The following NIPBL variants were observed in gnomAD, a reference collection of about 807,000 sequenced individuals.
NIPBL encodes nipped-B-like protein.
Under a neutral mutation model 321.8 loss-of-function variants are expected in NIPBL, and 19 were observed. The observed-to-expected ratio is 0.06, with a 90% CI of 0.04 to 0.09. The LOEUF (loss-of-function observed/expected upper bound fraction) is 0.09. NIPBL is among the 10% of genes least tolerant of loss of function. The pLI is 1.00. For missense variants in NIPBL, 2,210 were observed against 3,327.0 expected, an observed-to-expected ratio of 0.66 and a Z score of 8.26; for synonymous variants, 1,106 against 1,114.1, an observed-to-expected ratio of 0.99 and a Z score of 0.14.
chr5:37,000,271 T>A (rs908851074), intron 11 of NIPBL, 102 bp from the exon 12 acceptor site: 22 of 1,104,508 alleles, frequency 2.0e-5, no homozygotes, highest in Non-Finnish European at 2.9e-5. Flanking sequence ...CTAGACCCTA[T>A]GGAATGAAGA....
chr5:36,916,641 C>G (rs2149552035), intron 1 of NIPBL, among the ~76,000 whole-genome samples: 1 of 151,978 alleles, frequency 6.6e-6, no homozygotes, highest in East Asian at 1.9e-4. Flanking sequence ...CTAATGCTAT[C>G]CCTCCCCACT....
chr5:37,031,104 C>T (rs1750963183), intron 32 of NIPBL, among the ~76,000 whole-genome samples: 1 of 152,156 alleles, frequency 6.6e-6, no homozygotes, highest in Non-Finnish European at 1.5e-5. Flanking sequence ...TTGCCTCAGC[C>T]TCCCGAGTAG....
intron 40 of NIPBL, 114 bp downstream of exon 40, chr5:37,049,415 C>A: frequency 3.4e-6 from 4 of 1,168,262 alleles, no homozygotes; most frequent in Non-Finnish European, 3.8e-6. Context: ...CTTCTTTGTA[C>A]TAAACTCTTA....
Position 37,051,774 on chromosome 5 carries a change from T to C in NIPBL, c.6955-5T>C, listed in dbSNP as rs775379495. On this transcript the variant is annotated splice_polypyrimidine_tract_variant and splice_region_variant and intron_variant, in intron 40 of 46. Coordinates refer to ENST00000282516, the MANE Select transcript of NIPBL (RefSeq NM_133433.4). Reference sequence around the variant, plus strand: ...ATATCTCGTAATTTTTTTTTTTATTTCCAGTGTGTGCCATATTTAATTGCT... The same window carrying C: ...ATATCTCGTAATTTTTTTTTTTATTCCCAGTGTGTGCCATATTTAATTGCT... 1.2e-6 allele frequency: 2 copies of C among 1,604,844 alleles called. No individual in the cohort carries two copies. The highest frequency in any genetic ancestry group is 1.1e-5 in the South Asian group (1 of 90,862).
intron 29 of NIPBL, among the ~76,000 whole-genome samples, chr5:37,022,850 G>C (rs1381954349): frequency 6.6e-6 from 1 of 152,116 alleles, no homozygotes; most frequent in Admixed American, 6.5e-5. Flanking sequence ...ATTAATGATA[G>C]CTCAGATACC....
chr5:36,984,945 C>G lies in NIPBL; in HGVS notation c.1765C>G (p.Leu589Val), dbSNP rs1744572915. The change falls in exon 10 of 47, where the codon CTT becomes GTT. Residue 589 changes from leucine to valine, a missense_variant. Leu to Val is a conservative substitution (Grantham distance 32). This residue lies in a region of NIPBL where 588 missense variants were observed against 564.1 expected (regional missense o/e 1.04). Coordinates refer to ENST00000282516, the MANE Select transcript of NIPBL (RefSeq NM_133433.4). ...SVLQEDIVGS[L>V]KSTPENHPET... ...TCTTCAGGAAGATATTGTTGGAAGT[C>G]TTAAATCTACACCAGAAAACCATCC... 1.2e-6 allele frequency: 2 copies of G among 1,613,630 alleles called. No individual in the cohort carries two copies. Among genetic ancestry groups the G allele is most frequent in the Non-Finnish European group, 1.7e-6 (2 of 1,179,886 alleles).
At chr5:37,019,464 T>C (rs2149695216) in intron 25 of NIPBL, 64 bp downstream of exon 25, 1 of 1,194,374 alleles carries the variant, frequency 8.4e-7, no homozygotes, top group African/African-American at 1.5e-5. Context: ...TTAAGAAAAT[T>C]GGGAGGTAGC....
intron 32 of NIPBL, among the ~76,000 whole-genome samples, chr5:37,033,730 A>ATATTTTTTTTT (rs775482943): frequency 1.4e-4 from 3 of 21,518 alleles, no homozygotes; most frequent in African/African-American, 6.1e-4. Flanking sequence ...ATATATATAT[A>ATATTTTTTTTT]TTTTTTTTTT....
chr5:37,021,082 T>G (rs1749575191), intron 27 of NIPBL, among the ~76,000 whole-genome samples: 2 of 152,172 alleles, frequency 1.3e-5, no homozygotes, highest in African/African-American at 4.8e-5. Flanking sequence ...GTGGATCACC[T>G]GAGGTCAAGA....
chr5:36,900,329 T>G (rs945034213), intron 1 of NIPBL, among the ~76,000 whole-genome samples: 4 of 152,212 alleles, frequency 2.6e-5, no homozygotes, highest in African/African-American at 4.8e-5. Context: ...GTGCATTTTA[T>G]ATGCAAATAC....
At position 36,986,024 on chromosome 5, in the gene NIPBL, C is replaced by T. The variant is rs761786416; in HGVS notation, c.2844C>T (p.Gly948=). ...KAEFPSYLLG[G]RSGALKNFVI... is the part of the protein sequence containing the mutation. ...AATTTCCAAGTTATTTGTTGGGGGG[C>T]AGGTCTGGTGCGTTGAAAAATTTTG... Residue 948 remains glycine, a synonymous_variant, in exon 10 of 47, where the codon GGC becomes GGT. Coordinates refer to ENST00000282516, the MANE Select transcript of NIPBL (RefSeq NM_133433.4). 4.3e-6 allele frequency: 7 copies of T among 1,613,664 alleles called. No individual in the cohort carries two copies. Among genetic ancestry groups the T allele is most frequent in the Non-Finnish European group, 5.9e-6 (7 of 1,179,906 alleles).
chr5:36,956,003 C>T (rs1032733022), intron 3 of NIPBL, among the ~76,000 whole-genome samples: 5 of 149,634 alleles, frequency 3.3e-5, no homozygotes, highest in African/African-American at 4.9e-5. Context: ...AGGTGGATCA[C>T]GAGATCAAGA....
chr5:37,008,400 G>C (rs945383745), intron 19 of NIPBL, among the ~76,000 whole-genome samples: 11 of 152,012 alleles, frequency 7.2e-5, no homozygotes, highest in Non-Finnish European at 8.8e-5. Context: ...ATTCTTGTCT[G>C]ACTGCCTATA....
chr5:37,060,762 G>A lies in NIPBL; in HGVS notation c.7686-82G>A, dbSNP rs1754578424. The stretch of plus-strand genomic sequence containing the variant: ...ATGAGAAACTAATTTCATTAATATG[G>A]TGCTTCCTACCTATAATTGGATTTC... On this transcript the variant is annotated intron_variant, in intron 44 of 46. Coordinates refer to ENST00000282516, the MANE Select transcript of NIPBL (RefSeq NM_133433.4). The A allele has an allele frequency of 4.3e-6, 5 of 1,174,596 alleles. No individual in the cohort carries two copies. In the South Asian group the frequency reaches 5.5e-5, roughly 13 times the overall value. 72.8% of individuals were successfully genotyped at this position (1,174,596 alleles called of 1,614,324 possible). A position where few individuals can be genotyped will look rare whatever the true frequency, so the allele number is the denominator to read the frequency against.
At chr5:36,933,995 G>A (rs1749975933) in intron 1 of NIPBL, among the ~76,000 whole-genome samples, 1 of 152,010 alleles carries the variant, frequency 6.6e-6, no homozygotes, top group Non-Finnish European at 1.5e-5. Context: ...AAAAACAAAT[G>A]TGACGTGGCT....
In NIPBL at chr5:36,953,014, ATTTG is replaced by A. The variant is rs148715869; in HGVS notation, c.-79-599_-79-596del. Among the ~76,000 whole-genome samples the A allele has an allele frequency of 1.6e-3, 241 of 152,252 alleles. 3 individuals are homozygous for A. Among genetic ancestry groups the A allele is most frequent in the African/African-American group, 5.7e-3 (235 of 41,544 alleles). On this transcript the variant is annotated intron_variant, in intron 1 of 46. Coordinates refer to ENST00000282516, the MANE Select transcript of NIPBL (RefSeq NM_133433.4). ...GCTTTGGATCTTGAAGAATTATAGG[ATTTG>A]TTTGGACCAAAGTAGGAATGGGCTT...
intron 7 of NIPBL, among the ~76,000 whole-genome samples, chr5:36,971,245 T>C (rs1331792074): frequency 6.8e-6 from 1 of 148,058 alleles, no homozygotes; most frequent in Non-Finnish European, 1.5e-5. Flanking sequence ...GAGAATGGTT[T>C]TTACATTTAT....
chr5:37,035,251 A>G (rs1464329017), intron 32 of NIPBL, among the ~76,000 whole-genome samples: 2 of 152,260 alleles, frequency 1.3e-5, no homozygotes, highest in Non-Finnish European at 2.9e-5. Context: ...AGCCTGAGTG[A>G]CAATGAGACC....
At chr5:37,010,477 G>A (rs867582889) in intron 21 of NIPBL, among the ~76,000 whole-genome samples, 8 of 151,976 alleles carry the variant, frequency 5.3e-5, no homozygotes, top group African/African-American at 9.7e-5. Context: ...CACCACGCCC[G>A]GCTAATTTAT....
Sources: gnomAD v4.1 joint callset for allele counts (sites outside exome capture counted in the v4.1 genomes callset) on GRCh38, gnomAD v4.1.1 for gene constraint, gnomAD v4.1.1 regional missense constraint, MANE v1.5 for transcripts, NCBI Gene and HGNC (gene_info 2026-07-23, HGNC 2026-07-21) for gene names.